RANBP2: variants seen among roughly 807,000 people sequenced by gnomAD.
RANBP2 encodes the protein RAN binding protein 2, also known as E3 SUMO-protein ligase RanBP2.
A neutral mutation model predicts 303.6 loss-of-function variants in RANBP2; 57 were observed. The observed-to-expected ratio is 0.19, with a 90% confidence interval of 0.15 to 0.23. RANBP2 has a LOEUF of 0.23. Ranked by LOEUF, RANBP2 falls within the 10% of genes least tolerant of loss-of-function variation. The probability of loss-of-function intolerance (pLI) is 1.00; values close to 1 mark genes in which losing one functional copy is unlikely to be tolerated. For missense variants in RANBP2, 3,138 were observed against 3,780.8 expected (o/e 0.83, Z 4.46); for synonymous variants, 1,167 against 1,301.5 (o/e 0.90, Z 2.23).
chr2:108,982,790 A>G, the RANBP2 span, among the ~76,000 whole-genome samples: 1 of 152,256 alleles, frequency 6.6e-6, no homozygotes, highest in East Asian at 1.9e-4. Flanking sequence ...TGCTTTGGTT[A>G]CGTCTGCCCG....
the RANBP2 span, among the ~76,000 whole-genome samples, chr2:109,499,040 G>A: frequency 6.6e-6 from 1 of 152,186 alleles, no homozygotes; most frequent in African/African-American, 2.4e-5. Flanking sequence ...GATGGGGACT[G>A]CTGGAGCCCT....
chr2:109,685,524 A>G, the RANBP2 span, among the ~76,000 whole-genome samples: 1 of 152,136 alleles, frequency 6.6e-6, no homozygotes, highest in African/African-American at 2.4e-5. Context: ...TTTTCTGAAC[A>G]CTCATCCTGT....
the RANBP2 span, among the ~76,000 whole-genome samples, chr2:109,383,100 C>T: frequency 4.6e-5 from 7 of 152,314 alleles, no homozygotes; most frequent in East Asian, 3.9e-4. Flanking sequence ...GCCCTGGCTC[C>T]GAGGCACTTG....
At chr2:109,075,688 T>C in the RANBP2 span, among the ~76,000 whole-genome samples, 1 of 149,572 alleles carries the variant, frequency 6.7e-6, no homozygotes, top group African/African-American at 2.4e-5. Flanking sequence ...AAGACCATTA[T>C]GAACAATTAT....
the RANBP2 span, among the ~76,000 whole-genome samples, chr2:109,078,186 TATATATATAGCGTATATATATAGC>T: frequency 4.5e-4 from 20 of 44,290 alleles, no homozygotes; most frequent in East Asian, 5.9e-3. Context: ...ATATATAGCA[TATATATATAGCGTATATATATAGC>T]GTATATATAT....
Position 108,735,643 on chromosome 2 carries a change from G to A in RANBP2, c.517G>A (p.Glu173Lys). The A allele has an allele frequency of 6.3e-7, 1 of 1,597,618 alleles. No homozygotes were observed. Among genetic ancestry groups the A allele is most frequent in the Non-Finnish European group, 8.5e-7 (1 of 1,179,786 alleles). ...DDVHVNIRLV[E>K]VYRSTKRLKD... ...CGTCCATGTGAACATCCGGCTAGTG[G>A]AGGTGTATCGCTCAACTAAAAGATT... Residue 173 changes from glutamate (E) to lysine (K), a missense_variant, in exon 5 of 29, where the codon GAG (glutamate) becomes AAG (lysine). Transcript: ENST00000283195.
chr2:108,776,204 G>A (rs1256610559), intron 24 of RANBP2, among the ~76,000 whole-genome samples: 1 of 152,062 alleles, frequency 6.6e-6, no homozygotes, highest in African/African-American at 2.4e-5. Flanking sequence ...AAAGACAATA[G>A]TGTTGTTACA....
chr2:109,533,208 G>A, the RANBP2 span, among the ~76,000 whole-genome samples: 347 of 152,298 alleles, frequency 2.3e-3, 3 homozygotes, highest in African/African-American at 7.6e-3. Flanking sequence ...ATATACCAAT[G>A]TATACCCACA....
chr2:109,263,091 C>G, the RANBP2 span, among the ~76,000 whole-genome samples: 65 of 152,228 alleles, frequency 4.3e-4, no homozygotes, highest in African/African-American at 1.6e-3. Flanking sequence ...GGTAATTCAC[C>G]CACCTCGGCC....
chr2:109,110,161 A>T, the RANBP2 span, among the ~76,000 whole-genome samples: 1 of 152,356 alleles, frequency 6.6e-6, no homozygotes, highest in Non-Finnish European at 1.5e-5. Context: ...AATGGCATGT[A>T]GCAAATTGTA....
chr2:109,710,758 G>A, the RANBP2 span, among the ~76,000 whole-genome samples: 5 of 152,194 alleles, frequency 3.3e-5, no homozygotes, highest in African/African-American at 1.2e-4. Context: ...GGGAAGCAGG[G>A]AGTGAGGGAG....
chr2:109,231,296 G>A, the RANBP2 span, among the ~76,000 whole-genome samples: 5 of 152,274 alleles, frequency 3.3e-5, no homozygotes, highest in African/African-American at 4.8e-5. Context: ...GGATGTGGGA[G>A]AGGTGAGCTA....
the RANBP2 span, chr2:109,545,591 C>A: frequency 1.3e-6 from 2 of 1,533,134 alleles, no homozygotes; most frequent in South Asian, 1.2e-5. Context: ...AGAATTTGTT[C>A]TAAAAAACTG....
At chr2:109,705,642 G>A in the RANBP2 span, among the ~76,000 whole-genome samples, 24 of 152,202 alleles carry the variant, frequency 1.6e-4, no homozygotes, top group East Asian at 5.8e-4. Flanking sequence ...GCCCCAGGGC[G>A]TTGTGTGGAG....
the RANBP2 span, among the ~76,000 whole-genome samples, chr2:109,075,839 C>T: frequency 6.7e-6 from 1 of 149,830 alleles, no homozygotes; most frequent in East Asian, 1.9e-4. Context: ...CAAAGACCTC[C>T]CAAAAAAGAA....
the RANBP2 span, chr2:109,593,180 T>G: frequency 9.2e-7 from 1 of 1,089,822 alleles, no homozygotes; most frequent in Admixed American, 2.3e-5. Context: ...AACCCCATTA[T>G]CTGAATAATA....
At chr2:108,839,773 C>T in the RANBP2 span, among the ~76,000 whole-genome samples, 2 of 151,380 alleles carry the variant, frequency 1.3e-5, no homozygotes, top group Non-Finnish European at 1.5e-5. Flanking sequence ...GAAGATTCCT[C>T]AGGATTTTTA....
At chr2:109,145,347 C>T in the RANBP2 span, among the ~76,000 whole-genome samples, 1 of 152,192 alleles carries the variant, frequency 6.6e-6, no homozygotes, top group Non-Finnish European at 1.5e-5. Flanking sequence ...GTTTGCAGTC[C>T]CATGGCCCTG....
intron 1 of RANBP2, among the ~76,000 whole-genome samples, chr2:108,723,914 TTGATTGTC>T (rs1047337738): frequency 6.6e-5 from 10 of 152,122 alleles, no homozygotes; most frequent in African/African-American, 2.2e-4. Flanking sequence ...GATTGATTGA[TTGATTGTC>T]TGTCTACCTG....
Sources: allele counts gnomAD v4.1 joint callset (sites outside exome capture counted in the v4.1 genomes callset), GRCh38; gene constraint gnomAD v4.1.1; transcripts MANE v1.5; gene names NCBI Gene and HGNC (gene_info 2026-07-23, HGNC 2026-07-21).